NCL: variants seen among roughly 807,000 people sequenced by gnomAD.
NCL encodes the protein nucleolin multifunctional protein.
In NCL, 4 loss-of-function variants were observed where a neutral mutation model predicts 77.7. The observed-to-expected ratio is 0.05, with a 90% CI of 0.03 to 0.12. The LOEUF (loss-of-function observed/expected upper bound fraction) is 0.12. NCL is among the 10% of genes least tolerant of loss of function. The pLI is 1.00. For missense variants in NCL, 763 were observed against 860.9 expected (o/e 0.89, Z 1.42); for synonymous variants, 344 against 297.8 (o/e 1.16, Z -1.60).
At position 231,457,807 on chromosome 2, in the gene NCL, T is replaced by A. The variant is rs1203109192; in HGVS notation, c.1290-7A>T. On this transcript the variant is annotated splice_polypyrimidine_tract_variant and splice_region_variant and intron_variant, in intron 8 of 13. Coordinates refer to ENST00000322723, the MANE Select transcript of NCL (RefSeq NM_005381.3). ...AAATTCAATATAAGCAATCCTGCAA[T>A]GGAGGGAGAAGAACTCATGGTTTTT... 2.5e-6 allele frequency: 4 copies of A among 1,594,766 alleles called. No individual in the cohort carries two copies. Among genetic ancestry groups the A allele is most frequent in the Non-Finnish European group, 3.4e-6 (4 of 1,169,534 alleles).
Position 231,460,774 on chromosome 2 carries a change from C to T in NCL, c.706G>A (p.Glu236Lys). 6.2e-7 allele frequency: 1 copy of T among 1,614,176 alleles called. No homozygotes were observed. The highest frequency in any genetic ancestry group is 8.5e-7 in the Non-Finnish European group (1 of 1,179,994). ...TCCTCATCATCCTCTTCTTCATCTT[C>T]ATCCTCAGCCACGTTCTTGGCTTTC... The part of the protein sequence containing the change: ...PVKAKNVAED[E>K]DEEEDDEDED... Residue 236 changes from glutamate (E) to lysine (K), a missense_variant, in exon 4 of 14, where the codon GAA becomes AAA. Coordinates refer to ENST00000322723, the MANE Select transcript of NCL (RefSeq NM_005381.3).
At chr2:231,462,115 G>T in intron 2 of NCL, 98 bp from the exon 3 acceptor site, 2 of 1,443,718 alleles carry the variant, frequency 1.4e-6, no homozygotes, top group Non-Finnish European at 1.9e-6. Flanking sequence ...AATGCCTCTG[G>T]TTCAAGACCA....
chr2:231,456,965 T>TAGCCTATAA, intron 10 of NCL, 36 bp downstream of exon 10: 1 of 1,608,968 alleles, frequency 6.2e-7, no homozygotes, highest in Non-Finnish European at 8.5e-7. Context: ...AAGACATATA[T>TAGCCTATAA]AGCCTATAAC....
intron 10 of NCL, 117 bp from the exon 11 acceptor site, chr2:231,456,881 A>C: frequency 3.9e-6 from 6 of 1,553,006 alleles, no homozygotes; most frequent in Non-Finnish European, 4.4e-6. Flanking sequence ...TCTTTATTTT[A>C]CACTCATTTA....
At position 231,463,335 on chromosome 2, in the gene NCL, G is replaced by A. The variant is rs774489249; in HGVS notation, c.19-19C>T. On this transcript the variant is annotated intron_variant, in intron 1 of 13. Coordinates refer to ENST00000322723, the MANE Select transcript of NCL (RefSeq NM_005381.3). ...TACCTGCCTAAAATGGACACAAATA[G>A]ATCATTACACCTCCACCTCGACATT... 1 of 1,468,166 alleles carries A rather than the reference G, an allele frequency of 6.8e-7. No homozygotes were observed. Among genetic ancestry groups the A allele is most frequent in the South Asian group, 1.2e-5 (1 of 86,048 alleles). 90.9% of individuals were successfully genotyped at this position (1,468,166 alleles called of 1,614,324 possible). A position where few individuals can be genotyped will look rare whatever the true frequency, so the allele number is the denominator to read the frequency against.
intron 9 of NCL, 127 bp downstream of exon 9, chr2:231,457,516 T>C (rs2046902765): frequency 2.1e-6 from 2 of 966,596 alleles, no homozygotes; most frequent in South Asian, 1.6e-5. Flanking sequence ...TGGGGTATCA[T>C]GTCCTTGATC....
chr2:231,455,348 A>C, intron 13 of NCL, 53 bp downstream of exon 13: 2 of 1,613,566 alleles, frequency 1.2e-6, no homozygotes, highest in East Asian at 2.2e-5. Flanking sequence ...GTGACAGGGC[A>C]CAGGGTCTGA....
intron 13 of NCL, 54 bp from the exon 14 acceptor site, chr2:231,455,321 C>T: frequency 1.9e-6 from 3 of 1,613,266 alleles, no homozygotes; most frequent in Non-Finnish European, 2.5e-6. Flanking sequence ...GCTCCTCCTC[C>T]CCAGTGATTA....
At chr2:231,456,472 A>G (rs770987091) in intron 11 of NCL, 159 bp downstream of exon 11, 2 of 1,296,238 alleles carry the variant, frequency 1.5e-6, no homozygotes, top group Admixed American at 1.7e-5. Flanking sequence ...ATCTAGAGGA[A>G]TTTTCTTGAG....
rs1041181008 is a variant in NCL, at chr2:231,453,588, T to A, written c.*1603A>T. 1.3e-5 allele frequency: 2 copies of A among 155,512 alleles called. No individual in the cohort carries two copies. The highest frequency in any genetic ancestry group is 2.9e-5 in the Non-Finnish European group (2 of 69,932). 9.6% of individuals were successfully genotyped at this position (155,512 alleles called of 1,614,324 possible). ...ATCCAGAATACAGGCTGCAAGGCCT[T>A]CCTTTTTGTCCTTAGGCTTGCCTCA... On this transcript the variant is annotated 3_prime_UTR_variant, in exon 14 of 14. Coordinates refer to ENST00000322723, the MANE Select transcript of NCL (RefSeq NM_005381.3).
chr2:231,462,125 A>G (rs534286249), intron 2 of NCL, 108 bp from the exon 3 acceptor site: 2 of 1,343,850 alleles, frequency 1.5e-6, no homozygotes, highest in African/African-American at 2.9e-5. Context: ...GTTCAAGACC[A>G]CATGCACTAG....
Position 231,464,480 on chromosome 2 carries a change from A to G in NCL, c.-127T>C. 7.4e-7 allele frequency: 1 copy of G among 1,343,624 alleles called. No homozygotes were observed. Among genetic ancestry groups the G allele is most frequent in the South Asian group, 1.3e-5 (1 of 79,584 alleles). 83.2% of individuals were successfully genotyped at this position (1,343,624 alleles called of 1,614,324 possible). ...ACACCCGAAGGCCAGCGAGAGCTCG[A>G]GACTGAGGCGAAAGACTGAGCCTGC... is the stretch of plus-strand genomic sequence containing the variant. On this transcript the variant is annotated 5_prime_UTR_variant, in exon 1 of 14. Coordinates refer to ENST00000322723, the MANE Select transcript of NCL (RefSeq NM_005381.3).
chr2:231,460,682 TTCTTCCTCCTCCTCA>T lies in NCL; in HGVS notation c.783_797del (p.Asp261_Glu265del), dbSNP rs2046939301. 1.9e-6 allele frequency: 3 copies of T among 1,611,990 alleles called. No individual in the cohort carries two copies. The highest frequency in any genetic ancestry group is 2.2e-5 in the East Asian group (1 of 44,762). Reference sequence around the variant, plus strand: ...TAATTTAAGTACCTTCCTCCTCCTCTTCTTCCTCCTCCTCATCATCTTCATCATCATCATCTTCAT... The same window carrying T: ...TAATTTAAGTACCTTCCTCCTCCTCTTCATCTTCATCATCATCATCTTCAT... On this transcript the variant is annotated inframe_deletion, in exon 4 of 14. Coordinates refer to ENST00000322723, the MANE Select transcript of NCL (RefSeq NM_005381.3).
chr2:231,456,168 G>A, intron 11 of NCL, 32 bp from the exon 12 acceptor site: 1 of 1,612,778 alleles, frequency 6.2e-7, no homozygotes, highest in Non-Finnish European at 8.5e-7. Context: ...GACTTTATGT[G>A]AAGTCACAGT....
Position 231,455,244 on chromosome 2 carries a change from TGCCTCCTCG to T in NCL, c.2071_2079del (p.Arg694_Gly696del). 6.2e-7 allele frequency: 1 copy of T among 1,614,194 alleles called. No homozygotes were observed. Among genetic ancestry groups the T allele is most frequent in the Non-Finnish European group, 8.5e-7 (1 of 1,180,022 alleles). On this transcript the variant is annotated inframe_deletion, in exon 14 of 14. Coordinates refer to ENST00000322723, the MANE Select transcript of NCL (RefSeq NM_005381.3). ...GGCTTGTGGTCACCTCCTCCTCCTC[TGCCTCCTCG>T]GAAGCCTCCTCGCCCTACAGGAGGA...
rs1329975273 is a variant in NCL at position 231,460,757 on chromosome 2, A to C, written c.723T>G (p.Asp241Glu). ...NVAEDEDEEE[D>E]DEDEDDDDDE... is the part of the protein sequence containing the mutation. ...CGTCGTCGTCATCCTCGTCCTCATC[A>C]TCCTCTTCTTCATCTTCATCCTCAG... The change falls in exon 4 of 14, where the codon GAT (aspartate) becomes GAG (glutamate). Residue 241 changes from aspartate (D) to glutamate (E), a missense_variant. Asp to Glu is a conservative substitution (Grantham distance 45). Coordinates refer to ENST00000322723, the MANE Select transcript of NCL (RefSeq NM_005381.3). 2 of 1,613,276 alleles carry C rather than the reference A, an allele frequency of 1.2e-6. No individual in the cohort carries two copies. The highest frequency in any genetic ancestry group is 8.5e-7 in the Non-Finnish European group (1 of 1,179,584).
chr2:231,460,525 A>C lies in NCL; in HGVS notation c.851T>G (p.Met284Arg), dbSNP rs770888350. 1 of 1,614,074 alleles carries C rather than the reference A, an allele frequency of 6.2e-7. No homozygotes were observed. Among genetic ancestry groups the C allele is most frequent in the South Asian group, 1.1e-5 (1 of 91,066 alleles). Reference protein sequence around the residue: ...KEAPGKRKKEMAKQKAAPEAK... With the variant: ...KEAPGKRKKERAKQKAAPEAK... Reference sequence around the variant, plus strand: ...TTCAGGAGCTGCTTTCTGTTTGGCCATTTCCTTCTTTCGTTTTCCAGGTGC... The same window carrying C: ...TTCAGGAGCTGCTTTCTGTTTGGCCCTTTCCTTCTTTCGTTTTCCAGGTGC... Residue 284 changes from methionine to arginine, a missense_variant, in exon 5 of 14, where the codon ATG becomes AGG. Coordinates refer to ENST00000322723, the MANE Select transcript of NCL (RefSeq NM_005381.3).
intron 2 of NCL, chr2:231,462,603 C>T (rs1180945596): frequency 3.9e-6 from 2 of 507,872 alleles, no homozygotes; most frequent in African/African-American, 1.9e-5. Flanking sequence ...TTTTATCAGG[C>T]AATGTGTGGA....
Position 231,464,402 on chromosome 2 carries a change from G to A in NCL, c.-49C>T, listed in dbSNP as rs114480787. ...ACAAGTGGCGCAGATGAGTCCAGAA[G>A]AAGCCAAGCGACGGCGATGGCGGCC... is the stretch of plus-strand genomic sequence containing the variant. On this transcript the variant is annotated 5_prime_UTR_variant, in exon 1 of 14. Transcript: ENST00000322723. 619 of 1,587,748 alleles carry A rather than the reference G, an allele frequency of 3.9e-4. 6 individuals are homozygous for A. The African/African-American group carries it at 7.7e-3, about 20-fold the overall frequency.
Sources: gnomAD v4.1 joint callset for allele counts on GRCh38, gnomAD v4.1.1 for gene constraint, MANE v1.5 for transcripts, NCBI Gene and HGNC (gene_info 2026-07-23, HGNC 2026-07-21) for gene names.